The following STT3A variants were observed in gnomAD, a reference collection of about 807,000 sequenced individuals.
STT3A encodes dolichyl-diphosphooligosaccharide--protein glycosyltransferase subunit STT3A.
A neutral mutation model predicts 89.2 loss-of-function variants in STT3A; 34 were observed. The observed-to-expected ratio is 0.38, with a 90% CI of 0.29 to 0.51. STT3A has a LOEUF of 0.51. STT3A is among the 20% of genes least tolerant of loss of function. The pLI, the probability that STT3A is intolerant of heterozygous loss-of-function variation, is 0.89. For missense variants in STT3A, 555 were observed against 889.5 expected, an observed-to-expected ratio of 0.62 and a Z score of 4.78; for synonymous variants, 282 against 310.3, an observed-to-expected ratio of 0.91 and a Z score of 0.96.
At chr11:125,610,057 C>CTTTTT (rs66578574) in intron 10 of STT3A, among the ~76,000 whole-genome samples, 3 of 106,056 alleles carry the variant, frequency 2.8e-5, no homozygotes, top group Non-Finnish European at 3.9e-5. Flanking sequence ...TAACTTTTAC[C>CTTTTT]TTTTTTTTTT....
rs954898182 is a variant in STT3A, at chr11:125,618,572, CATAATA to C, written c.1963+15_1963+20del. ...TTTACACAGAAGCCAGTGAGTGACT[CATAATA>C]ATATTAATAACAGTAGTAATAATAG... is the stretch of plus-strand genomic sequence containing the variant. On this transcript the variant is annotated intron_variant, in intron 16 of 17. Transcript: ENST00000392708. 6.2e-7 allele frequency: 1 copy of C among 1,606,758 alleles called. No individual in the cohort carries two copies. Among genetic ancestry groups the C allele is most frequent in the Non-Finnish European group, 8.5e-7 (1 of 1,177,486 alleles).
chr11:125,601,795 T>TTTTA lies in STT3A; in HGVS notation c.150-496_150-493dup. Among the ~76,000 whole-genome samples, 5 of 151,530 alleles carry TTTTA rather than the reference T, an allele frequency of 3.3e-5. No homozygotes were observed. In the Middle Eastern group the frequency reaches 0.01, roughly 309 times the overall value. ...ATGTTAGGCTCCAGTTTCATTTCCT[T>TTTTA]TTTATTTATTTATTTTTTTTTCTGA... On this transcript the variant is annotated intron_variant, in intron 3 of 17. Transcript: ENST00000392708.
chr11:125,602,092 C>T (rs1373116391), intron 3 of STT3A, among the ~76,000 whole-genome samples: 3 of 152,088 alleles, frequency 2.0e-5, no homozygotes, highest in Non-Finnish European at 2.9e-5. Flanking sequence ...CCACTGCACC[C>T]GGCTCATTTC....
chr11:125,613,958 T>C lies in STT3A; in HGVS notation c.1555-129T>C. The stretch of plus-strand genomic sequence containing the variant: ...GATTTATTTTCTGGTTTGACATGCA[T>C]TACTTTGTGAAGAAATTGATTAGTT... On this transcript the variant is annotated intron_variant, in intron 13 of 17. Coordinates refer to ENST00000392708, the MANE Select transcript of STT3A (RefSeq NM_152713.5). This position sits in a 1 kb window ranked among gnomAD's most constrained non-coding sequence, Gnocchi z 4.2. The C allele has an allele frequency of 2.7e-6, 2 of 750,318 alleles. No homozygotes were observed. Among genetic ancestry groups the C allele is most frequent in the Non-Finnish European group, 4.6e-6 (2 of 435,444 alleles). The allele number at this position is 750,318 out of a possible 1,614,324, so 46.5% of individuals were successfully genotyped here. A position where few individuals can be genotyped will look rare whatever the true frequency, so the allele number is the denominator to read the frequency against.
chr11:125,618,934 A>G lies in STT3A; in HGVS notation c.1963+373A>G, dbSNP rs113385036. The stretch of plus-strand genomic sequence containing the variant: ...CTTTTTGTAGAGATGAGGTCTCACT[A>G]TGTTGTCTGGGCTGGTCTGGAACTC... On this transcript the variant is annotated intron_variant, in intron 16 of 17. Transcript: ENST00000392708. 2.5e-4 allele frequency among the ~76,000 whole-genome samples: 38 copies of G among 152,108 alleles called. 1 individual carries two copies. The highest frequency in any genetic ancestry group is 9.2e-4 in the African/African-American group (38 of 41,470).
rs59685125 is a variant in STT3A, at chr11:125,611,863, A to ATTTTTTTT, written c.1209+368_1209+375dup. On this transcript the variant is annotated intron_variant, in intron 11 of 17. Transcript: ENST00000392708. ...CTAGATTGTTAGAGGAGGGATTTGA[A>ATTTTTTTT]TTTTTTTTTTTTTTTTTTTTTTTTT... Among the ~76,000 whole-genome samples the ATTTTTTTT allele has an allele frequency of 8.1e-4, 46 of 56,980 alleles. 4 individuals carry two copies. The highest frequency in any genetic ancestry group is 1.5e-3 in the African/African-American group (23 of 15,040). 37.4% of individuals were successfully genotyped at this position (56,980 alleles called of 152,430 possible). A position where few individuals can be genotyped will look rare whatever the true frequency, so the allele number is the denominator to read the frequency against.
At chr11:125,620,692 C>A in intron 17 of STT3A, 80 bp from the exon 18 acceptor site, 2 of 1,389,410 alleles carry the variant, frequency 1.4e-6, no homozygotes, top group Non-Finnish European at 1.0e-6. Flanking sequence ...CCTGCCCACT[C>A]TGGGTGAATC....
At chr11:125,594,220 A>G (rs551217738) in intron 1 of STT3A, among the ~76,000 whole-genome samples, 1 of 152,302 alleles carries the variant, frequency 6.6e-6, no homozygotes, top group South Asian at 2.1e-4. Context: ...TAAAAGCAAA[A>G]CATCTTGAAT....
chr11:125,605,106 G>C (rs899851485), intron 6 of STT3A, among the ~76,000 whole-genome samples: 11 of 137,630 alleles, frequency 8.0e-5, no homozygotes, highest in African/African-American at 2.9e-4. Flanking sequence ...TTTTGTTGTT[G>C]TTGTTGTTGT....
intron 15 of STT3A, among the ~76,000 whole-genome samples, chr11:125,617,447 G>A (rs753211432): frequency 7.2e-5 from 11 of 151,940 alleles, no homozygotes; most frequent in Admixed American, 2.0e-4. Flanking sequence ...ATATCCCCTC[G>A]AACTCTTTGC....
In STT3A at chr11:125,620,076, G is replaced by A; in HGVS notation, c.2029G>A (p.Val677Ile). 6.2e-7 allele frequency: 1 copy of A among 1,614,158 alleles called. No homozygotes were observed. The highest frequency in any genetic ancestry group is 1.7e-5 in the Admixed American group (1 of 60,006). ...TGGGAATAAAGACTTTGAGCTTGAT[G>A]TCCTGGAGGAAGCATATACCACAGA... ...EIGNKDFELD[V>I]LEEAYTTEHW... Residue 677 changes from valine to isoleucine, a missense_variant, in exon 17 of 18, where the codon GTC (valine) becomes ATC (isoleucine). By Grantham distance (29) the Val-to-Ile change is conservative. Transcript: ENST00000392708.
upstream of STT3A, chr11:125,592,474 A>T (rs1272076080): frequency 4.4e-6 from 2 of 456,100 alleles, no homozygotes; most frequent in Non-Finnish European, 8.8e-6. Context: ...GACTTGGAGC[A>T]AGGGCCTATT....
chr11:125,608,399 C>T, intron 9 of STT3A, 110 bp downstream of exon 9: 4 of 1,124,600 alleles, frequency 3.6e-6, no homozygotes, highest in Non-Finnish European at 4.9e-6. Flanking sequence ...ACTGCAACCT[C>T]CACCTCCCAG....
At chr11:125,605,762 TTTA>T in intron 7 of STT3A, 27 bp downstream of exon 7, 1 of 1,582,680 alleles carries the variant, frequency 6.3e-7, no homozygotes. Flanking sequence ...GTTTTCAATT[TTTA>T]AAGTTCTCTA....
intron 2 of STT3A, among the ~76,000 whole-genome samples, chr11:125,596,671 T>G (rs1262359988): frequency 6.6e-6 from 1 of 152,236 alleles, no homozygotes; most frequent in African/African-American, 2.4e-5. Context: ...TGGCTCTTCA[T>G]GAGTCCTAGG....
intron 8 of STT3A, 108 bp downstream of exon 8, chr11:125,606,573 C>G: frequency 8.1e-7 from 1 of 1,242,044 alleles, no homozygotes; most frequent in South Asian, 1.7e-5. Context: ...TATTCACAGC[C>G]TTTATATTGA....
rs1338674958 is a variant in STT3A at position 125,614,472 on chromosome 11, G to GA, written c.1774+50dup. 2 of 1,540,798 alleles carry GA rather than the reference G, an allele frequency of 1.3e-6. No homozygotes were observed. The highest frequency in any genetic ancestry group is 2.3e-5 in the South Asian group (2 of 86,538). The stretch of plus-strand genomic sequence containing the variant: ...TCTAGCTGCAGGACATAGATTCTAA[G>GA]AAAACTAGATGAATATCCTAGTTTT... On this transcript the variant is annotated intron_variant, in intron 15 of 17. Coordinates refer to ENST00000392708, the MANE Select transcript of STT3A (RefSeq NM_152713.5). This position sits in a 1 kb window ranked among gnomAD's most constrained non-coding sequence, Gnocchi z 4.9.
At chr11:125,595,350 T>C (rs747795102) in intron 1 of STT3A, among the ~76,000 whole-genome samples, 4 of 152,016 alleles carry the variant, frequency 2.6e-5, no homozygotes, top group Non-Finnish European at 5.9e-5. Context: ...AGATGGGGTT[T>C]TGCTGTATTG....
chr11:125,604,080 G>A, intron 5 of STT3A, 77 bp from the exon 6 acceptor site: 1 of 1,464,220 alleles, frequency 6.8e-7, no homozygotes, highest in Non-Finnish European at 9.5e-7. Context: ...ATTATAAACA[G>A]AATGGACTAG....
Sources: gnomAD v4.1 joint callset for allele counts (sites outside exome capture counted in the v4.1 genomes callset) on GRCh38, gnomAD v4.1.1 for gene constraint, Gnocchi (gnomAD v3.1) non-coding constraint, MANE v1.5 for transcripts, NCBI Gene and HGNC (gene_info 2026-07-23, HGNC 2026-07-21) for gene names.